SORD: variants seen among roughly 807,000 people sequenced by gnomAD.
SORD encodes the protein sorbitol dehydrogenase.
Under a neutral mutation model 35.6 loss-of-function variants are expected in SORD, and 18 were observed. The observed-to-expected ratio is 0.51, with a 90% CI of 0.35 to 0.75. SORD has a LOEUF of 0.75. Among genes scored for constraint, SORD ranks in the 30% least tolerant of loss-of-function variants. The pLI, the probability that SORD is intolerant of heterozygous loss-of-function variation, is 0.01. For missense variants in SORD, 250 were observed against 390.2 expected, an observed-to-expected ratio of 0.64 and a Z score of 3.03; for synonymous variants, 106 against 152.9, an observed-to-expected ratio of 0.69 and a Z score of 2.26.
intron 1 of SORD, among the ~76,000 whole-genome samples, chr15:45,031,355 C>T (rs1041701127): frequency 1.3e-5 from 2 of 148,248 alleles, no homozygotes; most frequent in Non-Finnish European, 2.9e-5. Context: ...GGGAATGAAC[C>T]GTGGCAAGTA....
intron 7 of SORD, 164 bp from the exon 8 acceptor site, chr15:45,072,153 G>A: frequency 1.6e-5 from 2 of 128,666 alleles, no homozygotes; most frequent in Non-Finnish European, 3.4e-5. Context: ...AGTTTGGTTG[G>A]CAGGTTGAGC....
At chr15:45,045,441 G>T (rs1893031267) in intron 3 of SORD, among the ~76,000 whole-genome samples, 1 of 150,224 alleles carries the variant, frequency 6.7e-6, no homozygotes, top group Non-Finnish European at 1.5e-5. Context: ...GCTGAGGCAG[G>T]AGAATTGCCT....
rs1189951542 is a variant in SORD, at chr15:45,065,280, C to A, written c.435C>A (p.Asp145Glu). The A allele has an allele frequency of 6.2e-7, 1 of 1,613,452 alleles. No individual in the cohort carries two copies. Among genetic ancestry groups the A allele is most frequent in the Non-Finnish European group, 8.5e-7 (1 of 1,179,636 alleles). The part of the protein sequence containing the change: ...HNAAFCYKLP[D>E]NVTFEEGALI... ...TCAATTGACTCCTCAGGCTTCCTGA[C>A]AATGTCACCTTTGAGGAAGGCGCCC... Residue 145 changes from aspartate to glutamate, a missense_variant, in exon 5 of 9, where the codon GAC becomes GAA. Asp to Glu is a conservative substitution (Grantham distance 45, BLOSUM62 2). Transcript: ENST00000267814.
intron 1 of SORD, among the ~76,000 whole-genome samples, chr15:45,031,361 A>G (rs376928506): frequency 0.11 from 16,059 of 149,586 alleles, no homozygotes; most frequent in African/African-American, 0.36. Context: ...GAACCGTGGC[A>G]AGTAGCTCCA....
chr15:45,059,576 C>A (rs1663060940), intron 3 of SORD, among the ~76,000 whole-genome samples: 1 of 152,186 alleles, frequency 6.6e-6, no homozygotes, highest in Non-Finnish European at 1.5e-5. Flanking sequence ...TCTCTGCAGC[C>A]TCAACCTCTT....
intron 3 of SORD, among the ~76,000 whole-genome samples, chr15:45,045,046 T>G (rs1390071454): frequency 6.6e-6 from 1 of 152,160 alleles, no homozygotes; most frequent in African/African-American, 2.4e-5. Flanking sequence ...ATTATTATCT[T>G]CATTAATTGA....
chr15:45,050,305 T>C (rs1893105481), intron 3 of SORD, among the ~76,000 whole-genome samples: 1 of 152,128 alleles, frequency 6.6e-6, no homozygotes, highest in South Asian at 2.1e-4. Flanking sequence ...ATGGTCTCGA[T>C]CTCCTGACCT....
chr15:45,069,411 C>T (rs1278244396), intron 7 of SORD, among the ~76,000 whole-genome samples: 4 of 151,632 alleles, frequency 2.6e-5, no homozygotes, highest in Non-Finnish European at 5.9e-5. Context: ...GGGGTTTCAC[C>T]GTGTTAGCCA....
At chr15:45,040,564 C>T (rs2141269310) in intron 2 of SORD, 123 bp downstream of exon 2, 2 of 778,696 alleles carry the variant, frequency 2.6e-6, no homozygotes, top group East Asian at 5.3e-5. Flanking sequence ...CCATTAAAAA[C>T]CTATGCTTTT....
intron 5 of SORD, among the ~76,000 whole-genome samples, chr15:45,067,010 TTTAG>T (rs1412692697): frequency 5.9e-5 from 9 of 152,142 alleles, no homozygotes; most frequent in African/African-American, 1.7e-4. Flanking sequence ...TATAGAATCT[TTTAG>T]TTAGTTAGTT....
chr15:45,060,811 G>T (rs964636139), intron 3 of SORD, among the ~76,000 whole-genome samples: 10 of 152,142 alleles, frequency 6.6e-5, no homozygotes, highest in Non-Finnish European at 1.5e-4. Flanking sequence ...GGAGGGGGCT[G>T]GTCCTTTTCC....
At chr15:45,053,059 G>A (rs1893153867) in intron 3 of SORD, among the ~76,000 whole-genome samples, 1 of 152,174 alleles carries the variant, frequency 6.6e-6, no homozygotes, top group Non-Finnish European at 1.5e-5. Context: ...GTCTCTTTTG[G>A]AAAAGTTCTT....
intron 3 of SORD, among the ~76,000 whole-genome samples, chr15:45,045,107 C>G (rs1428143032): frequency 6.6e-6 from 1 of 152,198 alleles, no homozygotes; most frequent in South Asian, 2.1e-4. Flanking sequence ...TAGTTGGTCT[C>G]AGAACTGGGA....
At chr15:45,045,899 G>A (rs1893040138) in intron 3 of SORD, among the ~76,000 whole-genome samples, 1 of 152,004 alleles carries the variant, frequency 6.6e-6, no homozygotes, top group South Asian at 2.1e-4. Flanking sequence ...TACTCAGGAG[G>A]CTGAGACAGA....
At chr15:45,068,602 A>G (rs1268422152) in intron 6 of SORD, among the ~76,000 whole-genome samples, 1 of 151,644 alleles carries the variant, frequency 6.6e-6, no homozygotes, top group Non-Finnish European at 1.5e-5. Flanking sequence ...ATGATAGCTG[A>G]TGAACTTTAC....
intron 1 of SORD, among the ~76,000 whole-genome samples, chr15:45,034,879 C>T (rs1185363905): frequency 6.6e-6 from 1 of 152,210 alleles, no homozygotes. Flanking sequence ...CGCTTGCGGG[C>T]CAGCTGGAGT....
intron 5 of SORD, among the ~76,000 whole-genome samples, chr15:45,066,252 A>G (rs1380328468): frequency 1.3e-5 from 2 of 151,616 alleles, no homozygotes; most frequent in African/African-American, 4.9e-5. Context: ...CTCAAAAAAA[A>G]AAAAAAAAAA....
At chr15:45,060,682 C>T (rs1162405352) in intron 3 of SORD, among the ~76,000 whole-genome samples, 1 of 152,192 alleles carries the variant, frequency 6.6e-6, no homozygotes, top group Non-Finnish European at 1.5e-5. Context: ...ACCCCTTTTC[C>T]AGCAGTGTGA....
At chr15:45,047,325 G>T (rs1893061174) in intron 3 of SORD, 1 of 151,662 alleles carries the variant, frequency 6.6e-6, no homozygotes, top group Non-Finnish European at 1.5e-5. Context: ...TTTCCCTGCT[G>T]AATAAAGGCC....
Sources: allele counts gnomAD v4.1 joint callset (sites outside exome capture counted in the v4.1 genomes callset), GRCh38; gene constraint gnomAD v4.1.1; transcripts MANE v1.5; gene names NCBI Gene and HGNC (gene_info 2026-07-23, HGNC 2026-07-21).